The following RGL3 variants were observed in gnomAD, a reference collection of about 807,000 sequenced individuals.
The protein encoded by RGL3 is ral guanine nucleotide dissociation stimulator like 3.
A neutral mutation model predicts 90.6 loss-of-function variants in RGL3; 85 were observed. The observed-to-expected ratio is 0.94, with a 90% CI of 0.79 to 1.12. RGL3 has a LOEUF of 1.12. RGL3 is among the 50% of genes most tolerant of loss of function. The pLI, the probability that RGL3 is intolerant of heterozygous loss-of-function variation, is 0.00. For missense variants in RGL3, 1,034 were observed against 939.2 expected (o/e 1.10, Z -1.32); for synonymous variants, 408 against 385.5 (o/e 1.06, Z -0.68).
intron 9 of RGL3, among the ~76,000 whole-genome samples, chr19:11,403,555 G>A (rs1001686126): frequency 3.4e-5 from 5 of 149,102 alleles, no homozygotes; most frequent in African/African-American, 5.0e-5. Context: ...CAGAAGAATC[G>A]CTTGAACCCG....
intron 16 of RGL3, among the ~76,000 whole-genome samples, chr19:11,399,623 A>G (rs1167280578): frequency 2.0e-5 from 3 of 152,132 alleles, no homozygotes; most frequent in African/African-American, 4.8e-5. Flanking sequence ...ATGGGCAAGC[A>G]GTTACACAGG....
chr19:11,405,484 A>G, intron 7 of RGL3, 58 bp from the exon 8 acceptor site: 1 of 415,330 alleles, frequency 2.4e-6, no homozygotes, highest in Non-Finnish European at 4.2e-6. Context: ...TCATCCTGAA[A>G]CTTCTTCATC....
At chr19:11,395,216 C>T (rs1433134860) in intron 18 of RGL3, among the ~76,000 whole-genome samples, 1 of 152,038 alleles carries the variant, frequency 6.6e-6, no homozygotes, top group Non-Finnish European at 1.5e-5. Flanking sequence ...CCCCCACAAC[C>T]ACTCCCAGCC....
rs749582397 is a variant in RGL3, at chr19:11,402,018, C to A, written c.1477G>T (p.Glu493Ter). ...AGGCTACAGGGTGGTCACCTCTGCT[C>A]CTCGGTGAGCTGGTTCTGGGCATGC... ...ALHAQNQLTE[E>*]QSYRLSRVIE... is the part of the protein sequence containing the mutation. Residue 493 changes from glutamate to a stop codon, truncating the protein, a stop_gained, in exon 13 of 19, where the codon GAG becomes TAG. Coordinates refer to ENST00000380456, the MANE Select transcript of RGL3 (RefSeq NM_001035223.4). LOFTEE classifies it high-confidence loss of function. The A allele has an allele frequency of 6.5e-7, 1 of 1,547,352 alleles. No individual in the cohort carries two copies. The highest frequency in any genetic ancestry group is 8.7e-7 in the Non-Finnish European group (1 of 1,148,368).
At chr19:11,412,966 AAAATAAAATAAAAGTAAAAAT>A (rs2144735864) in intron 5 of RGL3, among the ~76,000 whole-genome samples, 1 of 152,180 alleles carries the variant, frequency 6.6e-6, no homozygotes, top group Admixed American at 6.6e-5. Context: ...ACTCTGTCTC[AAAATAAAATAAAAGTAAAAAT>A]AAATAAAATA....
Position 11,417,158 on chromosome 19 carries a change from G to C in RGL3, c.148-99C>G, listed in dbSNP as rs160523. Reference sequence around the variant, plus strand: ...CACTAGCACCACTCTTTTTTTTTTTGTTTTTTTTTTTGAGACAGAGTCTCA... The same window carrying C: ...CACTAGCACCACTCTTTTTTTTTTTCTTTTTTTTTTTGAGACAGAGTCTCA... On this transcript the variant is annotated intron_variant, in intron 2 of 18. Transcript: ENST00000380456. The C allele has an allele frequency of 1.4e-4, 88 of 617,760 alleles. No homozygotes were observed. In the African/African-American group the frequency reaches 1.7e-3, roughly 12 times the overall value. The allele number at this position is 617,760 out of a possible 1,614,324, so 38.3% of individuals were successfully genotyped here. A position where few individuals can be genotyped will look rare whatever the true frequency, so the allele number is the denominator to read the frequency against.
chr19:11,406,914 C>A, intron 5 of RGL3, 50 bp from the exon 6 acceptor site: 1 of 1,567,128 alleles, frequency 6.4e-7, no homozygotes. Context: ...CCAAGACTGG[C>A]TGTGTGACCT....
intron 2 of RGL3, among the ~76,000 whole-genome samples, chr19:11,417,574 A>T (rs1027851824): frequency 6.7e-6 from 1 of 149,624 alleles, no homozygotes; most frequent in Non-Finnish European, 1.5e-5. Context: ...GGGTTCAAGC[A>T]ATTCTCTGCC....
At chr19:11,415,889 G>T (rs1441931449) in intron 5 of RGL3, 48 bp downstream of exon 5, 24 of 1,496,760 alleles carry the variant, frequency 1.6e-5, no homozygotes, top group Non-Finnish European at 2.1e-5. Context: ...GGAAGAAGCA[G>T]ACAGGAAAGG....
rs564618543 is a variant in RGL3, at chr19:11,414,602, A to G, written c.637+1335T>C. Among the ~76,000 whole-genome samples the G allele has an allele frequency of 1.4e-4, 20 of 145,782 alleles. No homozygotes were observed. In the Admixed American group the frequency reaches 1.4e-3, roughly 10 times the overall value. Reference sequence around the variant, plus strand: ...AAGTGGCTGCTACTTTGTAAATTGGACAGGAAGGTGGCCACTATAATCTGG... The same window carrying G: ...AAGTGGCTGCTACTTTGTAAATTGGGCAGGAAGGTGGCCACTATAATCTGG... On this transcript the variant is annotated intron_variant, in intron 5 of 18. Coordinates refer to ENST00000380456, the MANE Select transcript of RGL3 (RefSeq NM_001035223.4).
chr19:11,402,149 T>C lies in RGL3; in HGVS notation c.1363-17A>G. ...CTCCCACTCCTGGAGGACGAGCCTC[T>C]AAGACCCTACCCCTGCCCCACCCCC... On this transcript the variant is annotated splice_polypyrimidine_tract_variant and intron_variant, in intron 12 of 18. Coordinates refer to ENST00000380456, the MANE Select transcript of RGL3 (RefSeq NM_001035223.4). 1 of 1,611,732 alleles carries C rather than the reference T, an allele frequency of 6.2e-7. No homozygotes were observed.
chr19:11,406,803 C>G lies in RGL3; in HGVS notation c.699G>C (p.Glu233Asp), dbSNP rs1968791628. ...GGGGACCTTGAGGCATGAGCCCTTC[C>G]TCTTCCTCCGCGCAGGCCTCTGAAG... ...PDSSEACAEEEEGLMPQGPQL... is the reference protein window; with the variant it reads ...PDSSEACAEEDEGLMPQGPQL... Residue 233 changes from glutamate (E) to aspartate (D), a missense_variant, in exon 6 of 19, where the codon GAG (glutamate) becomes GAC (aspartate). Glu to Asp is a conservative substitution (Grantham distance 45, BLOSUM62 2). Transcript: ENST00000380456. 1 of 1,613,822 alleles carries G rather than the reference C, an allele frequency of 6.2e-7. No homozygotes were observed. The highest frequency in any genetic ancestry group is 1.3e-5 in the African/African-American group (1 of 75,030).
At chr19:11,398,328 A>G (rs937187000) in intron 16 of RGL3, among the ~76,000 whole-genome samples, 5 of 152,052 alleles carry the variant, frequency 3.3e-5, no homozygotes, top group African/African-American at 1.2e-4. Context: ...CTCTTCTGGT[A>G]CACAGATTCT....
At chr19:11,406,915 T>C in intron 5 of RGL3, 51 bp from the exon 6 acceptor site, 1 of 1,564,104 alleles carries the variant, frequency 6.4e-7, no homozygotes, top group Non-Finnish European at 8.7e-7. Flanking sequence ...CAAGACTGGC[T>C]GTGTGACCTT....
intron 9 of RGL3, among the ~76,000 whole-genome samples, chr19:11,403,971 G>A (rs929616988): frequency 5.9e-5 from 9 of 152,022 alleles, no homozygotes; most frequent in South Asian, 2.1e-4. Flanking sequence ...AGGCTTGACC[G>A]CCCAAGTTCA....
rs761897206 is a variant in RGL3 at position 11,402,650 on chromosome 19, T to G, written c.1242A>C (p.Ser414=). The change falls in exon 10 of 19, where the codon TCA becomes TCC. Residue 414 remains serine, a splice_region_variant and synonymous_variant. Coordinates refer to ENST00000380456, the MANE Select transcript of RGL3 (RefSeq NM_001035223.4). Reference sequence around the variant, plus strand: ...CCCATCCCAAACTGTAATCACTCACTGAGGGCAGGCTGCCTGGGGTGTTGT... The same window carrying G: ...CCCATCCCAAACTGTAATCACTCACGGAGGGCAGGCTGCCTGGGGTGTTGT... The part of the protein sequence containing the change: ...EEDNTPGSLP[S]KPPPGPVPYL... The G allele has an allele frequency of 1.2e-6, 2 of 1,613,840 alleles. No homozygotes were observed. The highest frequency in any genetic ancestry group is 1.3e-5 in the African/African-American group (1 of 74,910).
intron 18 of RGL3, among the ~76,000 whole-genome samples, chr19:11,397,021 CCTCT>C (rs1401827469): frequency 6.6e-6 from 1 of 152,022 alleles, no homozygotes; most frequent in African/African-American, 2.4e-5. Context: ...ACCTTTGGTA[CCTCT>C]CTCTCACACT....
At position 11,417,440 on chromosome 19, in the gene RGL3, G is replaced by A. The variant is rs147169433; in HGVS notation, c.148-381C>T. Among the ~76,000 whole-genome samples, 447 of 148,164 alleles carry A rather than the reference G, an allele frequency of 3.0e-3. 2 individuals are homozygous for A. Among genetic ancestry groups the A allele is most frequent in the African/African-American group, 9.3e-3 (371 of 39,924 alleles). On this transcript the variant is annotated intron_variant, in intron 2 of 18. Coordinates refer to ENST00000380456, the MANE Select transcript of RGL3 (RefSeq NM_001035223.4). ...CTCCCAAAGGGCTAGGATTACAGGC[G>A]TGAACCACCGTGCCCAGCCCCTAGC...
Position 11,394,103 on chromosome 19 carries a change from T to C in RGL3, c.*299A>G. 1 of 318,508 alleles carries C rather than the reference T, an allele frequency of 3.1e-6. No homozygotes were observed. The highest frequency in any genetic ancestry group is 3.8e-5 in the South Asian group (1 of 26,182). 19.7% of individuals were successfully genotyped at this position (318,508 alleles called of 1,614,324 possible). ...TATTTTCATCCGCATCTGTCACTTC[T>C]GATGCGTCTCTAACATTTATAAGAT... On this transcript the variant is annotated 3_prime_UTR_variant, in exon 19 of 19. Transcript: ENST00000380456.
Sources: gnomAD v4.1 joint callset for allele counts (sites outside exome capture counted in the v4.1 genomes callset) on GRCh38, gnomAD v4.1.1 for gene constraint, MANE v1.5 for transcripts, NCBI Gene and HGNC (gene_info 2026-07-23, HGNC 2026-07-21) for gene names.